Variants in PAK5 observed in about 807,000 individuals in gnomAD.
The protein encoded by PAK5 is p21 (RAC1) activated kinase 5.
PAK5 carries 16 observed loss-of-function variants against 65.9 expected under a neutral mutation model. The ratio of observed to expected loss-of-function variants is 0.24; its 90% CI spans 0.16 to 0.37. The LOEUF (loss-of-function observed/expected upper bound fraction) is 0.37, where lower values mean the gene tolerates loss of function less well. PAK5 is among the 10% of genes least tolerant of loss of function. PAK5 has a pLI of 1.00. For missense variants in PAK5, 785 were observed against 903.9 expected (o/e 0.87, Z 1.69); for synonymous variants, 371 against 354.9 (o/e 1.05, Z -0.51).
intron 2 of PAK5, among the ~76,000 whole-genome samples, chr20:9,657,654 T>C (rs1439606797): frequency 6.6e-6 from 1 of 152,182 alleles, no homozygotes; most frequent in Non-Finnish European, 1.5e-5. Context: ...CTGGACAGCA[T>C]TATGAAAGTG....
At chr20:9,712,285 A>T (rs1261724752) in intron 1 of PAK5, among the ~76,000 whole-genome samples, 2 of 152,202 alleles carry the variant, frequency 1.3e-5, no homozygotes, top group Non-Finnish European at 2.9e-5. Context: ...GGATTATACA[A>T]ATTCCCAACC....
intron 1 of PAK5, among the ~76,000 whole-genome samples, chr20:9,808,792 G>T (rs911176874): frequency 6.6e-6 from 1 of 151,984 alleles, no homozygotes; most frequent in Non-Finnish European, 1.5e-5. Context: ...TTGATGAGAA[G>T]GCTCTAAAAT....
chr20:9,725,910 CA>C (rs1189619200), intron 1 of PAK5, among the ~76,000 whole-genome samples: 1 of 151,830 alleles, frequency 6.6e-6, no homozygotes, highest in East Asian at 1.9e-4. Flanking sequence ...ATTATGACTC[CA>C]AAAGGCATTT....
intron 1 of PAK5, among the ~76,000 whole-genome samples, chr20:9,725,870 A>G (rs2048271381): frequency 6.6e-6 from 1 of 151,936 alleles, no homozygotes; most frequent in African/African-American, 2.4e-5. Context: ...TGATAATGCT[A>G]AAAAAAGTAT....
At chr20:9,692,942 A>G (rs73895944) in intron 2 of PAK5, among the ~76,000 whole-genome samples, 2,027 of 152,300 alleles carry the variant, frequency 0.013, 57 homozygotes, top group African/African-American at 0.046. Context: ...CAAAAAGTCT[A>G]TATTATGAGT....
intron 2 of PAK5, among the ~76,000 whole-genome samples, chr20:9,690,750 C>CTTTCTTTTTT (rs1298213630): frequency 9.6e-6 from 1 of 103,978 alleles, no homozygotes; most frequent in African/African-American, 3.9e-5. Flanking sequence ...TTCTTTCTTT[C>CTTTCTTTTTT]TTTTTTTTTT....
intron 2 of PAK5, among the ~76,000 whole-genome samples, chr20:9,650,024 A>G (rs1008683501): frequency 1.3e-5 from 2 of 152,204 alleles, no homozygotes; most frequent in African/African-American, 2.4e-5. Context: ...GCTGACTTGA[A>G]TACTAGTCCA....
At chr20:9,622,428 C>T (rs2046783147) in intron 3 of PAK5, among the ~76,000 whole-genome samples, 1 of 152,186 alleles carries the variant, frequency 6.6e-6, no homozygotes, top group African/African-American at 2.4e-5. Flanking sequence ...TACATGATCA[C>T]AGAAAGTTCT....
At chr20:9,544,038 G>C (rs750194618) in intron 8 of PAK5, among the ~76,000 whole-genome samples, 2 of 152,248 alleles carry the variant, frequency 1.3e-5, no homozygotes, top group South Asian at 4.1e-4. Flanking sequence ...TCATCTGCAT[G>C]TCTCCAGCCA....
chr20:9,822,715 A>G (rs6056906), intron 1 of PAK5, among the ~76,000 whole-genome samples: 1 of 152,362 alleles, frequency 6.6e-6, no homozygotes, highest in Non-Finnish European at 1.5e-5. Context: ...AAGCCTTATT[A>G]GTATCCACCC....
chr20:9,729,887 C>A, intron 1 of PAK5, among the ~76,000 whole-genome samples: 1 of 151,000 alleles, frequency 6.6e-6, no homozygotes, highest in Admixed American at 6.6e-5. Flanking sequence ...TGATGTGTGC[C>A]TGTAGTCCCA....
intron 2 of PAK5, among the ~76,000 whole-genome samples, chr20:9,651,156 C>T (rs1054654153): frequency 5.9e-5 from 9 of 152,188 alleles, no homozygotes; most frequent in African/African-American, 2.2e-4. Flanking sequence ...ATCAGTTCTG[C>T]ATTCTTGGGC....
intron 3 of PAK5, among the ~76,000 whole-genome samples, chr20:9,626,630 G>A (rs1168535091): frequency 3.3e-5 from 5 of 152,222 alleles, no homozygotes; most frequent in Non-Finnish European, 7.3e-5. Flanking sequence ...TTGGAGAAGT[G>A]AGGCGGTGTC....
chr20:9,686,378 T>G (rs1396086011), intron 2 of PAK5, among the ~76,000 whole-genome samples: 1 of 152,142 alleles, frequency 6.6e-6, no homozygotes. Context: ...CCTTTTCCCT[T>G]CCTGTTTGGT....
At chr20:9,734,429 AACAG>A (rs2123563519) in intron 1 of PAK5, among the ~76,000 whole-genome samples, 1 of 152,282 alleles carries the variant, frequency 6.6e-6, no homozygotes, top group East Asian at 1.9e-4. Flanking sequence ...GAGACAGACT[AACAG>A]ACAGAGATAC....
intron 1 of PAK5, among the ~76,000 whole-genome samples, chr20:9,821,276 G>A (rs2049417563): frequency 6.6e-6 from 1 of 152,132 alleles, no homozygotes; most frequent in Admixed American, 6.5e-5. Flanking sequence ...AGCTACTCAG[G>A]AGGCTGAGGT....
intron 2 of PAK5, among the ~76,000 whole-genome samples, chr20:9,708,494 T>C (rs1178869816): frequency 6.6e-6 from 1 of 152,186 alleles, no homozygotes; most frequent in East Asian, 1.9e-4. Flanking sequence ...GGCTTCTAGT[T>C]GCTCAATAAA....
chr20:9,753,160 G>A (rs1028036552), intron 1 of PAK5, among the ~76,000 whole-genome samples: 4 of 152,074 alleles, frequency 2.6e-5, no homozygotes, highest in Non-Finnish European at 4.4e-5. Flanking sequence ...AGACGACCTG[G>A]AGACCAATAA....
intron 1 of PAK5, among the ~76,000 whole-genome samples, chr20:9,831,604 C>T (rs1237994092): frequency 6.6e-6 from 1 of 152,144 alleles, no homozygotes; most frequent in Non-Finnish European, 1.5e-5. Context: ...ACTTCATGGG[C>T]TCAGACATTC....
Sources: allele counts gnomAD v4.1 joint callset (sites outside exome capture counted in the v4.1 genomes callset), GRCh38; gene constraint gnomAD v4.1.1; transcripts MANE v1.5; gene names NCBI Gene and HGNC (gene_info 2026-07-23, HGNC 2026-07-21).